DNAH14: variants seen among roughly 807,000 people sequenced by gnomAD.
DNAH14 encodes axonemal beta dynein heavy chain 14.
A neutral mutation model predicts 520.9 loss-of-function variants in DNAH14; 478 were observed. That is an observed-to-expected ratio of 0.92 (90% CI 0.85 to 0.99). The LOEUF is 0.99. Among genes scored for constraint, DNAH14 ranks in the 50% least tolerant of loss-of-function variants. The pLI is 0.00. For synonymous variants in DNAH14, 1,581 were observed against 1,757.2 expected, an observed-to-expected ratio of 0.90 and a Z score of 2.51; for missense variants, 4,831 against 5,234.5, an observed-to-expected ratio of 0.92 and a Z score of 2.38.
At chr1:225,355,667 A>T (rs556912483) in intron 73 of DNAH14, among the ~76,000 whole-genome samples, 5 of 152,272 alleles carry the variant, frequency 3.3e-5, no homozygotes, top group African/African-American at 9.6e-5. Context: ...AGATTTTTTA[A>T]AAAAATATAT....
chr1:225,306,149 T>C (rs1315848329), intron 58 of DNAH14, among the ~76,000 whole-genome samples: 1 of 152,224 alleles, frequency 6.6e-6, no homozygotes, highest in Non-Finnish European at 1.5e-5. Flanking sequence ...AGGCCTGACA[T>C]TTACATAAGC....
chr1:225,048,442 A>C (rs1401125413), intron 15 of DNAH14, among the ~76,000 whole-genome samples: 1 of 152,224 alleles, frequency 6.6e-6, no homozygotes, highest in African/African-American at 2.4e-5. Flanking sequence ...GTCAAGGCGC[A>C]GTGAGCCAAA....
chr1:225,011,364 G>A (rs1205718617), intron 10 of DNAH14, among the ~76,000 whole-genome samples: 1 of 151,982 alleles, frequency 6.6e-6, no homozygotes, highest in Non-Finnish European at 1.5e-5. Context: ...TTACCCAGTA[G>A]TCATTCAGAA....
intron 10 of DNAH14, among the ~76,000 whole-genome samples, chr1:225,009,216 T>C (rs905190804): frequency 2.0e-5 from 3 of 152,202 alleles, no homozygotes; most frequent in African/African-American, 7.2e-5. Flanking sequence ...TAGGTTTTCT[T>C]CTAGGGTTTT....
chr1:225,273,168 T>A (rs772071600), intron 52 of DNAH14, 43 bp downstream of exon 52: 2 of 1,513,622 alleles, frequency 1.3e-6, no homozygotes. Context: ...TGTGGTGGCT[T>A]ACGCCTGTAA....
chr1:225,195,101 G>A lies in DNAH14; in HGVS notation c.5886+2190G>A, dbSNP rs144784253. Among the ~76,000 whole-genome samples the A allele has an allele frequency of 3.0e-4, 45 of 152,156 alleles. 1 individual carries two copies. The East Asian group carries it at 8.5e-3, about 29-fold the overall frequency. On this transcript the variant is annotated intron_variant, in intron 38 of 85. Coordinates refer to ENST00000682510, the MANE Select transcript of DNAH14 (RefSeq NM_001367479.1). ...GCCACTGTGGAAAGCACAGTGATTT[G>A]GTGATTTCTCAAAGAACTTAGAACT... is the stretch of plus-strand genomic sequence containing the variant.
intron 36 of DNAH14, among the ~76,000 whole-genome samples, chr1:225,181,144 T>C (rs1057047224): frequency 2.0e-5 from 3 of 152,222 alleles, no homozygotes; most frequent in Non-Finnish European, 4.4e-5. Flanking sequence ...CATGTTGCTA[T>C]AAAGGACCTG....
intron 17 of DNAH14, among the ~76,000 whole-genome samples, chr1:225,072,965 C>G (rs1046418279): frequency 6.6e-6 from 1 of 152,074 alleles, no homozygotes; most frequent in Non-Finnish European, 1.5e-5. Flanking sequence ...GTGGTCTCAT[C>G]CAGTCATGAG....
intron 17 of DNAH14, among the ~76,000 whole-genome samples, chr1:225,071,437 G>A (rs2071533045): frequency 6.6e-6 from 1 of 152,100 alleles, no homozygotes; most frequent in Admixed American, 6.6e-5. Context: ...CTTCACCTAT[G>A]AAGCTTAGTT....
In DNAH14 at chr1:225,335,363, G is replaced by A. The variant is rs1267619492; in HGVS notation, c.10080+1857G>A. 1.9e-4 allele frequency among the ~76,000 whole-genome samples: 6 copies of A among 31,670 alleles called. 1 individual carries two copies. The highest frequency in any genetic ancestry group is 1.1e-3 in the African/African-American group (4 of 3,704). The allele number at this position is 31,670 out of a possible 152,430, so 20.8% of individuals were successfully genotyped here. A position where few individuals can be genotyped will look rare whatever the true frequency, so the allele number is the denominator to read the frequency against. ...CATGTGTGTGTATATGCATATACAC[G>A]TGTACATGTGTGTGTATATGCACAT... On this transcript the variant is annotated intron_variant, in intron 66 of 85. Transcript: ENST00000682510.
At chr1:225,248,130 G>T (rs2149686619) in intron 43 of DNAH14, among the ~76,000 whole-genome samples, 1 of 152,228 alleles carries the variant, frequency 6.6e-6, no homozygotes, top group Non-Finnish European at 1.5e-5. Context: ...ATCCTCAGAA[G>T]CTATCATTTA....
chr1:224,960,447 A>T, intron 4 of DNAH14, 145 bp downstream of exon 4: 1 of 893,348 alleles, frequency 1.1e-6, no homozygotes, highest in Non-Finnish European at 1.6e-6. Flanking sequence ...GGATTATTAC[A>T]ATGCTTTTAA....
At chr1:225,395,181 G>A (rs886896529) in intron 84 of DNAH14, among the ~76,000 whole-genome samples, 2 of 152,132 alleles carry the variant, frequency 1.3e-5, no homozygotes, top group African/African-American at 4.8e-5. Context: ...GGTTTATGGA[G>A]ATTATCACAT....
intron 36 of DNAH14, among the ~76,000 whole-genome samples, chr1:225,181,684 ATTTG>A (rs924303883): frequency 7.9e-5 from 12 of 151,588 alleles, no homozygotes; most frequent in Non-Finnish European, 4.4e-5. Flanking sequence ...TTATTTATTT[ATTTG>A]TTTGTTTGCT....
intron 47 of DNAH14, 82 bp from the exon 48 acceptor site, chr1:225,265,100 A>G: frequency 1.0e-6 from 1 of 955,538 alleles, no homozygotes; most frequent in South Asian, 2.3e-5. Flanking sequence ...TAATTTTCAA[A>G]TTTCATGACA....
intron 84 of DNAH14, among the ~76,000 whole-genome samples, chr1:225,392,918 G>C (rs1244252525): frequency 6.6e-6 from 1 of 152,134 alleles, no homozygotes; most frequent in African/African-American, 2.4e-5. Context: ...AGGCAGCTTG[G>C]GCTGAAGCAG....
intron 23 of DNAH14, among the ~76,000 whole-genome samples, chr1:225,101,477 C>A (rs758197810): frequency 1.9e-4 from 29 of 151,982 alleles, no homozygotes; most frequent in Non-Finnish European, 2.2e-4. Flanking sequence ...TTGTACCCAT[C>A]AACCACTTTT....
intron 36 of DNAH14, among the ~76,000 whole-genome samples, chr1:225,172,585 T>C (rs1406776485): frequency 1.3e-5 from 2 of 152,106 alleles, no homozygotes; most frequent in Non-Finnish European, 2.9e-5. Context: ...CAAGGAGAAT[T>C]ACAAACCACT....
At chr1:225,027,867 C>CT (rs35422787) in intron 11 of DNAH14, among the ~76,000 whole-genome samples, 126,547 of 149,526 alleles carry the variant, frequency 0.85, 54,912 homozygotes, top group Non-Finnish European at 0.96. Context: ...TTGTCAAATG[C>CT]TTTTTTTTTT....
Sources: allele counts gnomAD v4.1 joint callset (sites outside exome capture counted in the v4.1 genomes callset), GRCh38; gene constraint gnomAD v4.1.1; transcripts MANE v1.5; gene names NCBI Gene and HGNC (gene_info 2026-07-23, HGNC 2026-07-21).